FAM151B: variants seen among roughly 807,000 people sequenced by gnomAD.
FAM151B encodes family with sequence similarity 151 member B, also known as protein FAM151B.
In FAM151B, 24 loss-of-function variants were observed where a neutral mutation model predicts 31.2. That is an observed-to-expected ratio of 0.77 (90% CI 0.56 to 1.08). FAM151B has a LOEUF of 1.08. Among genes scored for constraint, FAM151B ranks in the 50% least tolerant of loss-of-function variants. FAM151B has a pLI of 0.00. For synonymous variants in FAM151B, 105 were observed against 111.4 expected, an observed-to-expected ratio of 0.94 and a Z score of 0.36; for missense variants, 293 against 328.6, an observed-to-expected ratio of 0.89 and a Z score of 0.84.
chr5:80,537,381 C>T (rs567599444), intron 5 of FAM151B, among the ~76,000 whole-genome samples: 1 of 152,330 alleles, frequency 6.6e-6, no homozygotes, highest in Admixed American at 6.5e-5. Context: ...TGGCACTGAA[C>T]TGTGCTGCCT....
At chr5:80,514,627 TAAAG>T (rs939257929) in intron 3 of FAM151B, among the ~76,000 whole-genome samples, 1 of 151,948 alleles carries the variant, frequency 6.6e-6, no homozygotes, top group African/African-American at 2.4e-5. Flanking sequence ...GTAAAAATGA[TAAAG>T]AAAGCCAGAA....
chr5:80,537,511 G>T (rs888946651), intron 5 of FAM151B, among the ~76,000 whole-genome samples: 2 of 152,160 alleles, frequency 1.3e-5, no homozygotes, highest in Admixed American at 1.3e-4. Flanking sequence ...GGACTCCTGG[G>T]TTCCCACAAA....
At chr5:80,512,486 A>G (rs1003497518) in intron 2 of FAM151B, among the ~76,000 whole-genome samples, 1 of 152,210 alleles carries the variant, frequency 6.6e-6, no homozygotes, top group Admixed American at 6.5e-5. Context: ...TGCCCTTTTA[A>G]AAATGAACAG....
chr5:80,542,522 T>A lies in FAM151B; in HGVS notation c.*690T>A, dbSNP rs940155003. 1 of 152,008 alleles carries A rather than the reference T, an allele frequency of 6.6e-6. No individual in the cohort carries two copies. Among genetic ancestry groups the A allele is most frequent in the African/African-American group, 2.4e-5 (1 of 41,416 alleles). 9.4% of individuals were successfully genotyped at this position (152,008 alleles called of 1,614,324 possible). A position where few individuals can be genotyped will look rare whatever the true frequency, so the allele number is the denominator to read the frequency against. ...TTCCAAGTTTCTTACTGCCACCACC[T>A]TCATTCAGGTCCTTGTTCTACTAGT... On this transcript the variant is annotated 3_prime_UTR_variant, in exon 6 of 6. Coordinates refer to ENST00000282226, the MANE Select transcript of FAM151B (RefSeq NM_205548.3).
rs1580408403 is a variant in FAM151B at position 80,494,465 on chromosome 5, TTTCTTTCTTTCTTTCTTTCTTTC to T, written c.25+6320_25+6342del. Reference sequence around the variant, plus strand: ...TCTTTTTCTTTCTTTCTTTTCTTTCTTTCTTTCTTTCTTTCTTTCTTTCTTTCTTTCTTTCTTTCTTTCTTTCT... The same window carrying T: ...TCTTTTTCTTTCTTTCTTTTCTTTCTTTTCTTTCTTTCTTTCTTTCTTTCT... On this transcript the variant is annotated intron_variant, in intron 1 of 5. Coordinates refer to ENST00000282226, the MANE Select transcript of FAM151B (RefSeq NM_205548.3). Among the ~76,000 whole-genome samples, 32 of 76,742 alleles carry T rather than the reference TTTCTTTCTTTCTTTCTTTCTTTC, an allele frequency of 4.2e-4. 1 individual carries two copies. Among genetic ancestry groups the T allele is most frequent in the East Asian group, 1.4e-3 (4 of 2,796 alleles). The allele number at this position is 76,742 out of a possible 152,430, so 50.3% of individuals were successfully genotyped here. A position where few individuals can be genotyped will look rare whatever the true frequency, so the allele number is the denominator to read the frequency against.
intron 1 of FAM151B, chr5:80,499,853 A>ATTTTTTTTTTTTTTT (rs199689035): frequency 7.2e-6 from 1 of 138,960 alleles, no homozygotes; most frequent in Non-Finnish European, 1.6e-5. Flanking sequence ...TTCTTTGTTA[A>ATTTTTTTTTTTTTTT]TTTTTTTTTT....
intron 2 of FAM151B, among the ~76,000 whole-genome samples, chr5:80,511,324 A>G (rs1164368229): frequency 6.6e-6 from 1 of 151,118 alleles, no homozygotes; most frequent in East Asian, 2.0e-4. Flanking sequence ...ATTTAGAAAA[A>G]TTAGCAGGGT....
At chr5:80,506,766 G>C (rs1197689214) in intron 2 of FAM151B, among the ~76,000 whole-genome samples, 2 of 152,038 alleles carry the variant, frequency 1.3e-5, no homozygotes, top group Admixed American at 6.6e-5. Flanking sequence ...TTTCCCTAAA[G>C]GCTTTGACCT....
intron 3 of FAM151B, among the ~76,000 whole-genome samples, 176 bp downstream of exon 3, chr5:80,513,945 G>A (rs1432425731): frequency 2.0e-5 from 3 of 151,910 alleles, no homozygotes; most frequent in African/African-American, 7.3e-5. Context: ...GTTTTTTGGA[G>A]ACCCTTAAAG....
chr5:80,528,905 A>G (rs1745095972), intron 5 of FAM151B, among the ~76,000 whole-genome samples: 2 of 152,118 alleles, frequency 1.3e-5, no homozygotes, highest in Admixed American at 1.3e-4. Flanking sequence ...CATCTACAGA[A>G]CTCTCCACCC....
chr5:80,500,641 G>T, intron 1 of FAM151B: 1 of 765,012 alleles, frequency 1.3e-6, no homozygotes, highest in South Asian at 1.3e-5. Flanking sequence ...TGAGCCCAAA[G>T]GTCCGAAAGG....
intron 5 of FAM151B, among the ~76,000 whole-genome samples, chr5:80,540,040 C>T (rs913460947): frequency 6.6e-6 from 1 of 152,158 alleles, no homozygotes; most frequent in African/African-American, 2.4e-5. Flanking sequence ...TGTATCACTG[C>T]CATGCAGCCT....
intron 5 of FAM151B, among the ~76,000 whole-genome samples, chr5:80,538,992 CTTTTTTT>C (rs11309479): frequency 1.7e-5 from 2 of 117,102 alleles, no homozygotes; most frequent in Non-Finnish European, 3.5e-5. Context: ...TTTCCTTCCT[CTTTTTTT>C]TTTTTTTTTT....
At position 80,522,097 on chromosome 5, in the gene FAM151B, G is replaced by A. The variant is rs1420119965; in HGVS notation, c.630G>A (p.Gln210=). The A allele has an allele frequency of 3.1e-6, 5 of 1,613,032 alleles. No homozygotes were observed. The highest frequency in any genetic ancestry group is 2.2e-5 in the South Asian group (2 of 90,938). The change falls in exon 5 of 6, where the codon CAG becomes CAA. Residue 210 remains glutamine (Q), a synonymous_variant. Coordinates refer to ENST00000282226, the MANE Select transcript of FAM151B (RefSeq NM_205548.3). ...CTGTCAGAGCAGCATTAGTCAGGCA[G>A]TCTTGTTCTCAGTTACTTTGGCTGT... ...TFPVRAALVR[Q]SCSQLLWLLK...
intron 2 of FAM151B, among the ~76,000 whole-genome samples, chr5:80,502,892 T>C (rs963994033): frequency 1.3e-5 from 2 of 152,216 alleles, no homozygotes; most frequent in African/African-American, 4.8e-5. Context: ...GCGTAGCATA[T>C]AATAACTACA....
At chr5:80,495,164 A>G (rs1313288558) in intron 1 of FAM151B, 1 of 152,214 alleles carries the variant, frequency 6.6e-6, no homozygotes, top group Non-Finnish European at 1.5e-5. Flanking sequence ...ATTTCTTTCA[A>G]GATATTACTG....
chr5:80,491,616 C>G (rs1407176415), intron 1 of FAM151B, among the ~76,000 whole-genome samples: 1 of 152,110 alleles, frequency 6.6e-6, no homozygotes, highest in Non-Finnish European at 1.5e-5. Flanking sequence ...TGACATATCC[C>G]CCTCCCATCC....
chr5:80,534,347 A>G (rs1745396481), intron 5 of FAM151B, among the ~76,000 whole-genome samples: 1 of 152,162 alleles, frequency 6.6e-6, no homozygotes, highest in Non-Finnish European at 1.5e-5. Flanking sequence ...CATTGATGCA[A>G]AAATCCTTGG....
At chr5:80,521,423 G>A (rs1744713951) in intron 4 of FAM151B, among the ~76,000 whole-genome samples, 1 of 151,902 alleles carries the variant, frequency 6.6e-6, no homozygotes, top group Non-Finnish European at 1.5e-5. Context: ...ACCATGCCTG[G>A]CCCACAATGT....
Sources: gnomAD v4.1 joint callset for allele counts (sites outside exome capture counted in the v4.1 genomes callset) on GRCh38, gnomAD v4.1.1 for gene constraint, MANE v1.5 for transcripts, NCBI Gene and HGNC (gene_info 2026-07-23, HGNC 2026-07-21) for gene names.